Variants in ROBO2 observed in about 807,000 individuals in gnomAD.
ROBO2 encodes the protein roundabout homolog 2.
ROBO2 carries 53 observed loss-of-function variants against 160.8 expected under a neutral mutation model. The ratio of observed to expected loss-of-function variants is 0.33; its 90% CI spans 0.26 to 0.41. The LOEUF (loss-of-function observed/expected upper bound fraction) is 0.41. Ranked by LOEUF, ROBO2 falls within the 10% of genes least tolerant of loss-of-function variation. The pLI is 1.00. For missense variants in ROBO2, 1,577 were observed against 1,722.4 expected, an observed-to-expected ratio of 0.92 and a Z score of 1.49; for synonymous variants, 664 against 611.7, an observed-to-expected ratio of 1.09 and a Z score of -1.26.
chr3:76,580,610 CCAA>C (rs2085642959), intron 2 of ROBO2, among the ~76,000 whole-genome samples: 1 of 151,908 alleles, frequency 6.6e-6, no homozygotes, highest in Non-Finnish European at 1.5e-5. Flanking sequence ...CTCCTATTGG[CCAA>C]CAACCACCCT....
intron 2 of ROBO2, among the ~76,000 whole-genome samples, chr3:76,050,602 C>G (rs971491108): frequency 2.0e-5 from 3 of 152,170 alleles, no homozygotes; most frequent in Admixed American, 6.5e-5. Context: ...ATAAATACCA[C>G]CCACAGGCTG....
upstream of ROBO2, among the ~76,000 whole-genome samples, chr3:77,035,376 G>C (rs546182709): frequency 1.3e-5 from 2 of 151,878 alleles, no homozygotes; most frequent in Admixed American, 6.5e-5. Context: ...TGTAATATTT[G>C]TTTATTCAAT....
At chr3:77,580,991 A>G (rs1377441691) in intron 16 of ROBO2, among the ~76,000 whole-genome samples, 1 of 152,134 alleles carries the variant, frequency 6.6e-6, no homozygotes, top group African/African-American at 2.4e-5. Context: ...CTACATTGTC[A>G]CCAACATTTG....
chr3:77,519,818 A>G (rs1490041572), intron 5 of ROBO2, among the ~76,000 whole-genome samples: 1 of 151,392 alleles, frequency 6.6e-6, no homozygotes. Flanking sequence ...GCTGGGTCAA[A>G]TGGTAGTTCT....
chr3:77,070,430 C>A (rs1459686387), intron 1 of ROBO2, among the ~76,000 whole-genome samples: 1 of 151,940 alleles, frequency 6.6e-6, no homozygotes, highest in Non-Finnish European at 1.5e-5. Context: ...GTGTGTGTGT[C>A]TTTTTCTATC....
At chr3:76,969,605 G>A (rs1449013315) in intron 2 of ROBO2, among the ~76,000 whole-genome samples, 3 of 151,994 alleles carry the variant, frequency 2.0e-5, no homozygotes, top group Non-Finnish European at 4.4e-5. Flanking sequence ...GTATATCCTC[G>A]TCTGGCCACA....
intron 20 of ROBO2, chr3:77,603,957 T>C (rs1208799802): frequency 1.3e-5 from 2 of 152,206 alleles, no homozygotes; most frequent in African/African-American, 4.8e-5. Context: ...TACAGGTTAT[T>C]TGTAAAAGAC....
At chr3:77,648,652 C>G (rs571757136) in exon 26 of ROBO2, 2 of 152,138 alleles carry the variant, frequency 1.3e-5, no homozygotes, top group African/African-American at 4.8e-5. Flanking sequence ...TGTAGCTATA[C>G]AAAGGAATTC....
chr3:76,007,924 G>T (rs1030307904), intron 2 of ROBO2, among the ~76,000 whole-genome samples: 1 of 151,962 alleles, frequency 6.6e-6, no homozygotes, highest in Admixed American at 6.6e-5. Flanking sequence ...GAAAGATACT[G>T]CAATGTGTCA....
intron 2 of ROBO2, among the ~76,000 whole-genome samples, chr3:76,731,516 T>A (rs2093637632): frequency 6.6e-6 from 1 of 152,184 alleles, no homozygotes; most frequent in Non-Finnish European, 1.5e-5. Context: ...CAATGGTAAC[T>A]TAAAGGAATA....
At chr3:77,528,676 A>G (rs889542479) in intron 6 of ROBO2, among the ~76,000 whole-genome samples, 8 of 151,640 alleles carry the variant, frequency 5.3e-5, no homozygotes, top group Non-Finnish European at 1.0e-4. Flanking sequence ...GATTGATTTT[A>G]TATGTGAAAG....
chr3:76,475,238 G>T (rs1041153807), intron 2 of ROBO2, among the ~76,000 whole-genome samples: 4 of 152,212 alleles, frequency 2.6e-5, no homozygotes, highest in African/African-American at 9.6e-5. Context: ...AATGTCTGTG[G>T]TAAACAGGTT....
At chr3:76,147,937 T>C (rs560477808) in intron 2 of ROBO2, among the ~76,000 whole-genome samples, 35 of 152,154 alleles carry the variant, frequency 2.3e-4, no homozygotes, top group Admixed American at 8.5e-4. Context: ...CATTTCATAA[T>C]GTTCACGTTG....
intron 2 of ROBO2, among the ~76,000 whole-genome samples, chr3:77,231,770 T>C (rs1408650398): frequency 6.6e-6 from 1 of 152,158 alleles, no homozygotes; most frequent in Non-Finnish European, 1.5e-5. Context: ...CTCTATTTGT[T>C]TTCTCTCCAC....
At chr3:77,108,403 C>G (rs537301008) in intron 2 of ROBO2, among the ~76,000 whole-genome samples, 2 of 152,060 alleles carry the variant, frequency 1.3e-5, no homozygotes, top group Non-Finnish European at 2.9e-5. Flanking sequence ...GTCTGGAACT[C>G]CTGGCCCTAT....
chr3:76,070,576 T>G (rs1227257636), intron 2 of ROBO2, among the ~76,000 whole-genome samples: 2 of 152,174 alleles, frequency 1.3e-5, no homozygotes, highest in African/African-American at 4.8e-5. Context: ...CTGCCTCCAT[T>G]TGCCTTGTGA....
At chr3:76,387,167 T>C (rs2076931657) in intron 2 of ROBO2, among the ~76,000 whole-genome samples, 1 of 152,150 alleles carries the variant, frequency 6.6e-6, no homozygotes, top group South Asian at 2.1e-4. Context: ...TCTAGTTCCC[T>C]TCAGCCCTTT....
At chr3:77,562,770 T>G in intron 10 of ROBO2, 38 bp downstream of exon 11, 1 of 1,373,560 alleles carries the variant, frequency 7.3e-7, no homozygotes, top group Non-Finnish European at 1.0e-6. Flanking sequence ...CTTGGGCCCC[T>G]TTTCTGATAG....
intron 16 of ROBO2, among the ~76,000 whole-genome samples, chr3:77,581,149 T>A (rs1011049492): frequency 6.6e-6 from 1 of 152,176 alleles, no homozygotes. Context: ...TGACCACATG[T>A]TTGCCTTTTA....
Sources: allele counts gnomAD v4.1 joint callset (sites outside exome capture counted in the v4.1 genomes callset), GRCh38; gene constraint gnomAD v4.1.1; transcripts MANE v1.5; gene names NCBI Gene and HGNC (gene_info 2026-07-23, HGNC 2026-07-21).